CLIC5: variants seen among roughly 807,000 people sequenced by gnomAD.
CLIC5 encodes the protein CLIC family member 5.
A neutral mutation model predicts 24.7 loss-of-function variants in CLIC5; 20 were observed. The observed-to-expected ratio is 0.81, with a 90% CI of 0.57 to 1.18. CLIC5 has a LOEUF of 1.18. Ranked by LOEUF, CLIC5 falls within the 50% of genes most tolerant of loss-of-function variation. The probability of loss-of-function intolerance (pLI) is 0.00; values close to 1 mark genes in which losing one functional copy is unlikely to be tolerated. For synonymous variants in CLIC5, 159 were observed against 135.6 expected, an observed-to-expected ratio of 1.17 and a Z score of -1.20; for missense variants, 341 against 326.1, an observed-to-expected ratio of 1.05 and a Z score of -0.35.
At chr6:46,057,891 A>G (rs1397507374) in intron 1 of CLIC5, among the ~76,000 whole-genome samples, 2 of 152,116 alleles carry the variant, frequency 1.3e-5, no homozygotes, top group African/African-American at 4.8e-5. Flanking sequence ...GTTGATCTCA[A>G]ATACCCTCAC....
chr6:46,086,564 T>G, the CLIC5 span, among the ~76,000 whole-genome samples: 1 of 152,212 alleles, frequency 6.6e-6, no homozygotes, highest in Non-Finnish European at 1.5e-5. Context: ...TGGGCTAGAC[T>G]GTGGATGGCC....
the CLIC5 span, among the ~76,000 whole-genome samples, chr6:46,115,435 T>C: frequency 9.2e-5 from 14 of 152,322 alleles, no homozygotes; most frequent in South Asian, 1.0e-3. Context: ...GCAGGCAACA[T>C]AGATAAGCTG....
intron 1 of CLIC5, among the ~76,000 whole-genome samples, chr6:46,068,943 C>A (rs1264790718): frequency 6.6e-6 from 1 of 152,098 alleles, no homozygotes; most frequent in East Asian, 1.9e-4. Flanking sequence ...GAAGTCCTGG[C>A]AAACTAATAC....
chr6:46,111,725 G>A, the CLIC5 span, among the ~76,000 whole-genome samples: 1 of 152,124 alleles, frequency 6.6e-6, no homozygotes, highest in Admixed American at 6.5e-5. Flanking sequence ...GATATGGTTT[G>A]GCTGTGTCCC....
intron 1 of CLIC5, among the ~76,000 whole-genome samples, chr6:46,015,029 G>T (rs554723212): frequency 1.7e-4 from 26 of 152,340 alleles, no homozygotes; most frequent in Admixed American, 1.3e-3. Context: ...AGAATTTTAA[G>T]AAATGTCATT....
chr6:45,912,383 G>A (rs1762853661), intron 5 of CLIC5: 3 of 1,084,746 alleles, frequency 2.8e-6, no homozygotes, highest in Non-Finnish European at 3.4e-6. Context: ...AGTAATTTAA[G>A]GCAGGTGGGA....
Position 45,901,819 on chromosome 6 carries a change from T to A in CLIC5, c.*1269A>T, listed in dbSNP as rs1762518697. 1 of 152,492 alleles carries A rather than the reference T, an allele frequency of 6.6e-6. No homozygotes were observed. The highest frequency in any genetic ancestry group is 1.5e-5 in the Non-Finnish European group (1 of 68,018). The allele number at this position is 152,492 out of a possible 1,614,324, so 9.4% of individuals were successfully genotyped here. A position where few individuals can be genotyped will look rare whatever the true frequency, so the allele number is the denominator to read the frequency against. ...CAGATTGTAGGAAAATTAACCCAGA[T>A]GGGTCTACATTTTTCTTCAAGTTCA... On this transcript the variant is annotated 3_prime_UTR_variant, in exon 6 of 6. Coordinates refer to ENST00000339561, the MANE Select transcript of CLIC5 (RefSeq NM_016929.5).
At chr6:46,031,536 G>T (rs1467941333) in intron 1 of CLIC5, among the ~76,000 whole-genome samples, 3 of 152,266 alleles carry the variant, frequency 2.0e-5, no homozygotes, top group Admixed American at 6.5e-5. Context: ...GGGTAAGTCT[G>T]CAATGTGGGT....
chr6:46,064,609 A>G (rs1030900359), intron 1 of CLIC5, among the ~76,000 whole-genome samples: 4 of 152,188 alleles, frequency 2.6e-5, no homozygotes, highest in Non-Finnish European at 4.4e-5. Context: ...AATTGTAGCA[A>G]GTCAAATTTA....
chr6:46,077,419 C>T (rs1041467001), intron 1 of CLIC5, among the ~76,000 whole-genome samples: 1 of 151,984 alleles, frequency 6.6e-6, no homozygotes, highest in Non-Finnish European at 1.5e-5. Flanking sequence ...ACTAGGAAGA[C>T]AGTGAGCCAC....
chr6:46,020,434 G>T (rs1448363761), upstream of CLIC5, among the ~76,000 whole-genome samples: 2 of 152,008 alleles, frequency 1.3e-5, no homozygotes, highest in Non-Finnish European at 2.9e-5. Context: ...GCAACGCTTA[G>T]TAGAAATTTA....
At chr6:45,898,261 G>A (rs1250343979), downstream of CLIC5, among the ~76,000 whole-genome samples, 1 of 151,828 alleles carries the variant, frequency 6.6e-6, no homozygotes, top group East Asian at 1.9e-4. Flanking sequence ...TGGCCAACAT[G>A]GTGACACCCC....
chr6:45,911,861 T>C, intron 5 of CLIC5: 1 of 985,482 alleles, frequency 1.0e-6, no homozygotes, highest in Non-Finnish European at 1.2e-6. Flanking sequence ...GCTGAGCTGG[T>C]CATTTCTTCA....
chr6:45,981,860 T>C (rs1416193546), intron 1 of CLIC5, among the ~76,000 whole-genome samples: 2 of 152,080 alleles, frequency 1.3e-5, no homozygotes, highest in African/African-American at 2.4e-5. Context: ...TATCCGGGCA[T>C]GATGGCAGGT....
chr6:45,882,919 C>T (rs1238733267), intron 6 of CLIC5, among the ~76,000 whole-genome samples: 5 of 152,162 alleles, frequency 3.3e-5, no homozygotes, highest in Non-Finnish European at 5.9e-5. Context: ...AGACCCCTCC[C>T]TTTTAGAAAG....
chr6:46,076,456 T>A (rs1762772652), intron 1 of CLIC5, among the ~76,000 whole-genome samples: 1 of 152,060 alleles, frequency 6.6e-6, no homozygotes, highest in Admixed American at 6.5e-5. Flanking sequence ...ACAAGAGAAA[T>A]GCAAGGAGAG....
chr6:45,977,911 C>T (rs1765438114), intron 1 of CLIC5, among the ~76,000 whole-genome samples: 1 of 152,150 alleles, frequency 6.6e-6, no homozygotes. Context: ...CAAGGGATGC[C>T]CAGTGGGTTT....
chr6:46,079,676 G>A, intron 1 of CLIC5: 1 of 1,533,906 alleles, frequency 6.5e-7, no homozygotes, highest in Non-Finnish European at 8.8e-7. Flanking sequence ...GCATGAACAG[G>A]GTATGCCTGT....
intron 1 of CLIC5, among the ~76,000 whole-genome samples, chr6:46,001,842 G>C (rs763938234): frequency 2.6e-5 from 4 of 152,120 alleles, no homozygotes; most frequent in Non-Finnish European, 5.9e-5. Context: ...AAAGGAGTAG[G>C]GATACTGGAT....
Sources: allele counts gnomAD v4.1 joint callset (sites outside exome capture counted in the v4.1 genomes callset), GRCh38; gene constraint gnomAD v4.1.1; transcripts MANE v1.5; gene names NCBI Gene and HGNC (gene_info 2026-07-23, HGNC 2026-07-21).